The following COL5A2 variants were observed in gnomAD, a reference collection of about 807,000 sequenced individuals.
COL5A2 encodes collagen type V alpha 2 chain.
COL5A2 carries 23 observed loss-of-function variants against 208.2 expected under a neutral mutation model. The observed-to-expected ratio is 0.11, with a 90% CI of 0.08 to 0.16. The LOEUF (loss-of-function observed/expected upper bound fraction) is 0.16. COL5A2 is among the 10% of genes least tolerant of loss of function. COL5A2 has a pLI of 1.00. For missense variants in COL5A2, 1,590 were observed against 1,956.4 expected (o/e 0.81, Z 3.53); for synonymous variants, 625 against 628.5 (o/e 0.99, Z 0.08).
At chr2:189,175,562 T>TTA (rs397969093) in intron 1 of COL5A2, among the ~76,000 whole-genome samples, 1 of 150,738 alleles carries the variant, frequency 6.6e-6, no homozygotes. Context: ...TTTTTTTTTT[T>TTA]AGACAGAGTC....
At chr2:189,183,039 C>T (rs184041816), upstream of COL5A2, among the ~76,000 whole-genome samples, 1 of 152,282 alleles carries the variant, frequency 6.6e-6, no homozygotes, top group East Asian at 1.9e-4. Context: ...GGGAGGTTTC[C>T]CTTAACCCCA....
At position 189,059,126 on chromosome 2, in the gene COL5A2, T is replaced by C. The variant is rs1685965999; in HGVS notation, c.2086-233A>G. 2.0e-5 allele frequency among the ~76,000 whole-genome samples: 3 copies of C among 152,330 alleles called. No individual in the cohort carries two copies. The South Asian group carries it at 6.2e-4, about 32-fold the overall frequency. ...TGTATTATACCTGAATGTTTGATTTTTGGCAATGAGAACATGCAAAGTACT... is the reference window on the plus strand; with the variant it reads ...TGTATTATACCTGAATGTTTGATTTCTGGCAATGAGAACATGCAAAGTACT... On this transcript the variant is annotated intron_variant, in intron 31 of 53. Transcript: ENST00000374866.
the COL5A2 span, among the ~76,000 whole-genome samples, chr2:189,308,734 C>G: frequency 1.3e-5 from 2 of 152,090 alleles, no homozygotes; most frequent in Non-Finnish European, 2.9e-5. Flanking sequence ...ATTAGAAAAC[C>G]TTTGACTCCA....
intron 25 of COL5A2, among the ~76,000 whole-genome samples, 183 bp from the exon 26 acceptor site, chr2:189,064,216 T>C (rs1480663899): frequency 6.6e-6 from 1 of 152,176 alleles, no homozygotes; most frequent in East Asian, 1.9e-4. Context: ...ATTACTTTAT[T>C]TGCTATATTG....
At chr2:189,151,209 C>G (rs996320036) in intron 1 of COL5A2, among the ~76,000 whole-genome samples, 2 of 152,138 alleles carry the variant, frequency 1.3e-5, no homozygotes, top group Non-Finnish European at 2.9e-5. Flanking sequence ...GAAATGAACT[C>G]ATGCCCTTCA....
At chr2:189,364,547 C>T in the COL5A2 span, among the ~76,000 whole-genome samples, 17 of 152,098 alleles carry the variant, frequency 1.1e-4, no homozygotes, top group South Asian at 2.7e-3. Context: ...ATTAGCCAGG[C>T]GTGGTGGTGG....
At chr2:189,133,105 C>T (rs1384008899) in intron 1 of COL5A2, 10 of 142,200 alleles carry the variant, frequency 7.0e-5, no homozygotes, top group Non-Finnish European at 1.5e-5. Context: ...CACTACTGCC[C>T]AAGTACGACT....
rs771507778 is a variant in COL5A2 at position 189,086,767 on chromosome 2, G to A, written c.649C>T (p.Pro217Ser). 2 of 1,580,732 alleles carry A rather than the reference G, an allele frequency of 1.3e-6. No individual in the cohort carries two copies. Among genetic ancestry groups the A allele is most frequent in the Admixed American group, 3.6e-5 (2 of 56,232 alleles). Reference sequence around the variant, plus strand: ...CCCTGTGGTCCCCTTGGGCCAACAGGACCCTTAAAAACAAATGAGGAGAAA... The same window carrying A: ...CCCTGTGGTCCCCTTGGGCCAACAGAACCCTTAAAAACAAATGAGGAGAAA... ...QVGLMPGSVG[P>S]VGPRGPQGLQ... is the part of the protein sequence containing the mutation. The change falls in exon 9 of 54, where the codon CCT becomes TCT. Residue 217 changes from proline to serine, a missense_variant. Coordinates refer to ENST00000374866, the MANE Select transcript of COL5A2 (RefSeq NM_000393.5).
At chr2:189,371,101 T>G in the COL5A2 span, among the ~76,000 whole-genome samples, 1 of 151,970 alleles carries the variant, frequency 6.6e-6, no homozygotes, top group Non-Finnish European at 1.5e-5. Flanking sequence ...ACCTCCCCCT[T>G]CCCCACATCT....
the COL5A2 span, among the ~76,000 whole-genome samples, chr2:189,298,793 A>T: frequency 6.6e-6 from 1 of 152,112 alleles, no homozygotes; most frequent in East Asian, 1.9e-4. Context: ...CCTAAGGAGG[A>T]GTAAGGGATA....
chr2:189,383,986 C>T, the COL5A2 span, among the ~76,000 whole-genome samples: 2 of 152,046 alleles, frequency 1.3e-5, no homozygotes, highest in Admixed American at 6.6e-5. Context: ...TTAGCTCCCA[C>T]GTATGAGTGA....
At position 189,104,695 on chromosome 2, in the gene COL5A2, G is replaced by T. The variant is rs191525014; in HGVS notation, c.323-418C>A. ...TACACTAAAAAATGTCATTCCATCT[G>T]GTCCTGTGTTCCCTATTTCCACTTT... On this transcript the variant is annotated intron_variant, in intron 2 of 53. Transcript: ENST00000374866. 7.2e-5 allele frequency among the ~76,000 whole-genome samples: 11 copies of T among 151,766 alleles called. No individual in the cohort carries two copies. The East Asian group carries it at 2.1e-3, about 29-fold the overall frequency.
At chr2:189,337,977 A>C in the COL5A2 span, among the ~76,000 whole-genome samples, 6 of 152,348 alleles carry the variant, frequency 3.9e-5, no homozygotes, top group South Asian at 1.2e-3. Flanking sequence ...TGGCTGAAAG[A>C]TCTGTTTAAA....
the COL5A2 span, among the ~76,000 whole-genome samples, chr2:189,328,536 C>T: frequency 2.0e-5 from 3 of 152,200 alleles, no homozygotes; most frequent in Non-Finnish European, 2.9e-5. Flanking sequence ...AGTTAATTCT[C>T]CCCTTCCATG....
At chr2:189,066,641 A>G (rs1034970685) in intron 22 of COL5A2, 88 bp downstream of exon 22, 2 of 1,350,146 alleles carry the variant, frequency 1.5e-6, no homozygotes, top group Admixed American at 1.7e-5. Flanking sequence ...TATAATTCTC[A>G]TTATTATTTT....
At chr2:189,185,683 A>C (rs931697814) in intron 1 of COL5A2, among the ~76,000 whole-genome samples, 4 of 152,154 alleles carry the variant, frequency 2.6e-5, no homozygotes, top group African/African-American at 9.7e-5. Flanking sequence ...ACATCATACT[A>C]TATTTACCTG....
intron 1 of COL5A2, among the ~76,000 whole-genome samples, chr2:189,204,066 T>A (rs1262840113): frequency 1.3e-5 from 2 of 151,994 alleles, no homozygotes; most frequent in Non-Finnish European, 2.9e-5. Context: ...CCCGGCTAAT[T>A]TTTTGTATTT....
At chr2:189,048,500 A>G (rs1046379618) in intron 44 of COL5A2, among the ~76,000 whole-genome samples, 1 of 152,240 alleles carries the variant, frequency 6.6e-6, no homozygotes, top group African/African-American at 2.4e-5. Flanking sequence ...ATTTTGAAAA[A>G]CAAAAAACCC....
chr2:189,081,082 A>C (rs547484426), intron 12 of COL5A2, 39 bp from the exon 13 acceptor site: 1 of 1,554,858 alleles, frequency 6.4e-7, no homozygotes, highest in East Asian at 2.2e-5. Flanking sequence ...TACAGTCATT[A>C]ATAAGGATGC....
Sources: allele counts gnomAD v4.1 joint callset (sites outside exome capture counted in the v4.1 genomes callset), GRCh38; gene constraint gnomAD v4.1.1; transcripts MANE v1.5; gene names NCBI Gene and HGNC (gene_info 2026-07-23, HGNC 2026-07-21).